The following IGDCC4 variants were observed in gnomAD, a reference collection of about 807,000 sequenced individuals.
IGDCC4 encodes the protein immunoglobulin superfamily DCC subclass member 4, also known as likely ortholog of mouse neighbor of Punc E11.
A neutral mutation model predicts 116.6 loss-of-function variants in IGDCC4; 72 were observed. The observed-to-expected ratio is 0.62, with a 90% confidence interval of 0.51 to 0.75. The LOEUF is 0.75. Ranked by LOEUF, IGDCC4 falls within the 30% of genes least tolerant of loss-of-function variation. IGDCC4 has a pLI of 0.00. For synonymous variants in IGDCC4, 709 were observed against 719.9 expected, an observed-to-expected ratio of 0.98 and a Z score of 0.24; for missense variants, 1,501 against 1,662.4, an observed-to-expected ratio of 0.90 and a Z score of 1.69.
In IGDCC4 at chr15:65,388,542, G is replaced by A. The variant is rs1000423055; in HGVS notation, c.2752C>T (p.Arg918Trp). 5 of 1,614,034 alleles carry A rather than the reference G, an allele frequency of 3.1e-6. No individual in the cohort carries two copies. The highest frequency in any genetic ancestry group is 1.3e-5 in the African/African-American group (1 of 74,908). The change falls in exon 16 of 20, where the codon CGG (arginine) becomes TGG (tryptophan). Residue 918 changes from arginine (R) to tryptophan (W), a missense_variant. Around this residue, in one of 3 missense-constraint regions of IGDCC4, gnomAD observed 235 missense variants for 328.0 expected, o/e 0.72. Coordinates refer to ENST00000352385, the MANE Select transcript of IGDCC4 (RefSeq NM_020962.3). Reference sequence around the variant, plus strand: ...CGCGCCCCCATCTTGAAGAAGTACCGAGTGTCGCTCTCCAGGCCATGGACC... The same window carrying A: ...CGCGCCCCCATCTTGAAGAAGTACCAAGTGTCGCTCTCCAGGCCATGGACC... ...AEVHGLESDT[R>W]YFFKMGARTE...
Position 65,388,859 on chromosome 15 carries a change from T to C in IGDCC4, c.2656A>G (p.Ser886Gly), listed in dbSNP as rs760780628. Residue 886 changes from serine (S) to glycine (G), a missense_variant, in exon 15 of 20, where the codon AGC becomes GGC. By Grantham distance (56) the Ser-to-Gly change is moderately conservative. This residue lies in a region of IGDCC4 where 235 missense variants were observed against 328.0 expected (regional missense o/e 0.72). Coordinates refer to ENST00000352385, the MANE Select transcript of IGDCC4 (RefSeq NM_020962.3). ...GEIVEYLILY[S>G]SNHTQPEHQW... is the part of the protein sequence containing the mutation. ...TGCTCAGGCTGCGTGTGGTTGCTGC[T>C]GTACAGGATCAGATACTCCACGATC... 6.2e-7 allele frequency: 1 copy of C among 1,613,920 alleles called. No individual in the cohort carries two copies. The highest frequency in any genetic ancestry group is 1.3e-5 in the African/African-American group (1 of 74,916).
chr15:65,385,546 C>T, intron 18 of IGDCC4: 2 of 570,530 alleles, frequency 3.5e-6, no homozygotes, highest in East Asian at 3.1e-5. Flanking sequence ...CAGAGGTCTC[C>T]CCAGCTCCAG....
rs187846695 is a variant in IGDCC4 at position 65,402,303 on chromosome 15, G to A, written c.700+48C>T. 7.7e-5 allele frequency: 119 copies of A among 1,546,444 alleles called. No homozygotes were observed. The East Asian group carries it at 2.8e-3, about 36-fold the overall frequency. On this transcript the variant is annotated intron_variant, in intron 4 of 19. Transcript: ENST00000352385. ...TGAGGTCCCTCCCAGCTCTGAGGTG[G>A]CTGGTTCCAGAAACCCCCAGGTTTC... is the stretch of plus-strand genomic sequence containing the variant.
rs1567079346 is a variant in IGDCC4, at chr15:65,386,175, T to G, written c.2952-116A>C. Reference sequence around the variant, plus strand: ...TTCCTGCCCATCTCTGGGATTTGCTTTCCTGGTCTGTGCAATGAGTAAGAA... The same window carrying G: ...TTCCTGCCCATCTCTGGGATTTGCTGTCCTGGTCTGTGCAATGAGTAAGAA... On this transcript the variant is annotated intron_variant, in intron 17 of 19. Coordinates refer to ENST00000352385, the MANE Select transcript of IGDCC4 (RefSeq NM_020962.3). 3 of 687,250 alleles carry G rather than the reference T, an allele frequency of 4.4e-6. No individual in the cohort carries two copies. The East Asian group carries it at 8.2e-5, about 19-fold the overall frequency. 42.6% of individuals were successfully genotyped at this position (687,250 alleles called of 1,614,324 possible).
chr15:65,383,816 A>C lies in IGDCC4; in HGVS notation c.*193T>G. The C allele has an allele frequency of 2.0e-6, 1 of 509,126 alleles. No homozygotes were observed. Among genetic ancestry groups the C allele is most frequent in the Non-Finnish European group, 3.4e-6 (1 of 289,960 alleles). 31.5% of individuals were successfully genotyped at this position (509,126 alleles called of 1,614,324 possible). On this transcript the variant is annotated 3_prime_UTR_variant, in exon 20 of 20. Transcript: ENST00000352385. ...ATGTCTCGTATGTCTTTCACATGTC[A>C]CATGTGTATCACAAAGAGTATGGGG...
intron 5 of IGDCC4, among the ~76,000 whole-genome samples, chr15:65,398,148 A>AT (rs1241753826): frequency 1.3e-5 from 2 of 152,168 alleles, no homozygotes; most frequent in Non-Finnish European, 2.9e-5. Flanking sequence ...TACATAAACA[A>AT]TTTTTATCTC....
rs142198652 is a variant in IGDCC4 at position 65,411,308 on chromosome 15, C to T, written c.133G>A (p.Val45Met). 9.5e-4 allele frequency: 1,522 copies of T among 1,608,822 alleles called. 9 individuals are homozygous for T. In the Middle Eastern group the frequency reaches 0.012, roughly 13 times the overall value. ...GCAGCCTGCTCTGGGCCCAGGATCA[C>T]TTGCAGTGGCCCCACTCCACAGCTC... The part of the protein sequence containing the change: ...ELSCGVGPLQ[V>M]ILGPEQAAVL... Residue 45 changes from valine (V) to methionine (M), a missense_variant, in exon 2 of 20, where the codon GTG (valine) becomes ATG (methionine). Transcript: ENST00000352385.
At chr15:65,409,413 G>A (rs932445499) in intron 3 of IGDCC4, among the ~76,000 whole-genome samples, 1 of 152,140 alleles carries the variant, frequency 6.6e-6, no homozygotes, top group African/African-American at 2.4e-5. Context: ...AGGGTGGCTG[G>A]GAAAGGCCTT....
rs2062894949 is a variant in IGDCC4, at chr15:65,394,095, G to T, written c.1714+316C>A. 3.3e-5 allele frequency among the ~76,000 whole-genome samples: 5 copies of T among 152,100 alleles called. No individual in the cohort carries two copies. In the South Asian group the frequency reaches 1.0e-3, roughly 32 times the overall value. ...AGTTCCCTGCAGCCTTGAATTCCTGGGGTCAAGTGATCCTCCCACCTCAGC... is the reference window on the plus strand; with the variant it reads ...AGTTCCCTGCAGCCTTGAATTCCTGTGGTCAAGTGATCCTCCCACCTCAGC... On this transcript the variant is annotated intron_variant, in intron 9 of 19. Coordinates refer to ENST00000352385, the MANE Select transcript of IGDCC4 (RefSeq NM_020962.3).
In IGDCC4 at chr15:65,386,581, A is replaced by C. The variant is rs867821241; in HGVS notation, c.2921T>G (p.Met974Arg). The part of the protein sequence containing the change: ...CLGLLCLLAC[M>R]CAGLRRSPHR... ...GGGGCTGCGGCGCAGGCCAGCACAC[A>C]TGCAGGCCAGGAGGCAGAGGAGGCC... Residue 974 changes from methionine to arginine, a missense_variant, in exon 17 of 20, where the codon ATG becomes AGG. Met to Arg is a moderately conservative substitution (Grantham distance 91). This residue lies in a region of IGDCC4 where 368 missense variants were observed against 355.6 expected (regional missense o/e 1.03). Coordinates refer to ENST00000352385, the MANE Select transcript of IGDCC4 (RefSeq NM_020962.3). 2.5e-6 allele frequency: 4 copies of C among 1,610,778 alleles called. No homozygotes were observed. The Middle Eastern group carries it at 6.6e-4, about 266-fold the overall frequency.
At chr15:65,392,048 C>G in intron 11 of IGDCC4, 67 bp from the exon 12 acceptor site, 1 of 1,540,216 alleles carries the variant, frequency 6.5e-7, no homozygotes, top group Non-Finnish European at 8.8e-7. Context: ...CCACAGAGAG[C>G]ATCCCATCTC....
chr15:65,396,461 C>T, intron 6 of IGDCC4: 1 of 586,016 alleles, frequency 1.7e-6, no homozygotes, highest in East Asian at 3.2e-5. Flanking sequence ...CCTAAATTTA[C>T]CCATCTCCTT....
In IGDCC4 at chr15:65,393,176, C is replaced by T. The variant is rs913979734; in HGVS notation, c.1885+185G>A. Reference sequence around the variant, plus strand: ...GTTTGTCCAAGGTCACACAGCAAATCGAAGGGACACCAGATCCCAGCCCTT... The same window carrying T: ...GTTTGTCCAAGGTCACACAGCAAATTGAAGGGACACCAGATCCCAGCCCTT... On this transcript the variant is annotated intron_variant, in intron 10 of 19. Coordinates refer to ENST00000352385, the MANE Select transcript of IGDCC4 (RefSeq NM_020962.3). This position sits in a 1 kb window ranked among gnomAD's most constrained non-coding sequence, Gnocchi z 4.6. Among the ~76,000 whole-genome samples the T allele has an allele frequency of 1.3e-5, 2 of 152,140 alleles. No individual in the cohort carries two copies. The highest frequency in any genetic ancestry group is 4.8e-5 in the African/African-American group (2 of 41,402).
At chr15:65,401,068 T>A (rs1595786154) in intron 4 of IGDCC4, 122 bp from the exon 5 acceptor site, 3 of 1,237,870 alleles carry the variant, frequency 2.4e-6, no homozygotes, top group Non-Finnish European at 3.4e-6. Flanking sequence ...ATTCCATCTG[T>A]CAGATGGGGG....
At chr15:65,421,941 C>T (rs2063195359) in intron 1 of IGDCC4, among the ~76,000 whole-genome samples, 1 of 152,134 alleles carries the variant, frequency 6.6e-6, no homozygotes, top group Non-Finnish European at 1.5e-5. Context: ...ACAACTCTGA[C>T]TTACCCCGTA....
At position 65,385,855 on chromosome 15, in the gene IGDCC4, T is replaced by C; in HGVS notation, c.3156A>G (p.Glu1052=). The C allele has an allele frequency of 6.2e-7, 1 of 1,612,684 alleles. No individual in the cohort carries two copies. Among genetic ancestry groups the C allele is most frequent in the Middle Eastern group, 2.0e-4 (1 of 4,932 alleles). Residue 1052 remains glutamate (E), a synonymous_variant, in exon 18 of 20, where the codon GAA becomes GAG. Transcript: ENST00000352385. ...CCTTTCTTTTGGAGTGACTCCGGCC[T>C]TCAGAAACACCGCCACCCATAAGGC... ...VHSLMGGGVS[E]GRSHSKRKIS...
At chr15:65,410,793 A>C in intron 2 of IGDCC4, 1 of 561,722 alleles carries the variant, frequency 1.8e-6, no homozygotes, top group Non-Finnish European at 3.1e-6. Flanking sequence ...AAGGGAAAGA[A>C]AAGCAGAAGG....
chr15:65,407,311 A>G (rs143779514), intron 3 of IGDCC4, among the ~76,000 whole-genome samples: 414 of 152,172 alleles, frequency 2.7e-3, no homozygotes, highest in African/African-American at 9.1e-3. Flanking sequence ...AGATGATTCA[A>G]CAAAAAACCT....
intron 3 of IGDCC4, among the ~76,000 whole-genome samples, chr15:65,403,750 G>A (rs1284256615): frequency 6.6e-6 from 1 of 152,200 alleles, no homozygotes; most frequent in East Asian, 1.9e-4. Context: ...CAACACGTAT[G>A]TTACTTAGAA....
Sources: allele counts gnomAD v4.1 joint callset (sites outside exome capture counted in the v4.1 genomes callset), GRCh38; gene constraint gnomAD v4.1.1; regional missense constraint gnomAD v4.1.1; non-coding constraint Gnocchi (gnomAD v3.1); transcripts MANE v1.5; gene names NCBI Gene and HGNC (gene_info 2026-07-23, HGNC 2026-07-21).